The following BLTP1 variants were observed in gnomAD, a reference collection of about 807,000 sequenced individuals.
BLTP1 encodes the protein fragile site-associated protein.
At chr4:122,266,894 T>C in the BLTP1 span, 4 of 1,612,630 alleles carry the variant, frequency 2.5e-6, no homozygotes, top group Non-Finnish European at 3.4e-6. Flanking sequence ...GACTTTGGAC[T>C]GCCTCAGAGC....
the BLTP1 span, chr4:122,196,577 A>T: frequency 2.2e-6 from 3 of 1,381,090 alleles, no homozygotes; most frequent in South Asian, 1.3e-5. Context: ...ATGTTCCTTT[A>T]TCAGAAGTAA....
the BLTP1 span, chr4:122,288,983 T>C: frequency 6.5e-6 from 8 of 1,225,436 alleles, no homozygotes; most frequent in African/African-American, 1.1e-4. Flanking sequence ...TCAAATCATA[T>C]AGAGATAATT....
the BLTP1 span, among the ~76,000 whole-genome samples, chr4:122,322,689 G>C: frequency 6.6e-6 from 1 of 152,176 alleles, no homozygotes; most frequent in African/African-American, 2.4e-5. Flanking sequence ...GTCTTTTAAT[G>C]AGCCTATGCC....
chr4:122,212,648 C>A, the BLTP1 span, among the ~76,000 whole-genome samples: 1 of 151,714 alleles, frequency 6.6e-6, no homozygotes, highest in Non-Finnish European at 1.5e-5. Flanking sequence ...TACATATTCA[C>A]CAAAAATAAG....
chr4:122,271,285 A>G, the BLTP1 span: 1 of 1,614,060 alleles, frequency 6.2e-7, no homozygotes, highest in Non-Finnish European at 8.5e-7. Flanking sequence ...ACATCAAAGC[A>G]ACTCAGACTG....
At chr4:122,325,358 A>C in the BLTP1 span, 9 of 1,558,530 alleles carry the variant, frequency 5.8e-6, no homozygotes, top group Admixed American at 1.4e-4. Context: ...ATACATTGCT[A>C]AGTAGTTTTT....
the BLTP1 span, chr4:122,199,505 A>G: frequency 4.9e-6 from 7 of 1,425,656 alleles, no homozygotes; most frequent in Non-Finnish European, 6.8e-6. Flanking sequence ...AATTGATTTT[A>G]ATTTTCTTAT....
At chr4:122,292,587 T>C in the BLTP1 span, 2 of 924,700 alleles carry the variant, frequency 2.2e-6, no homozygotes, top group South Asian at 5.0e-5. Context: ...TTAGGTAATA[T>C]AACATGAAGA....
chr4:122,204,346 T>C, the BLTP1 span: 15 of 962,018 alleles, frequency 1.6e-5, no homozygotes, highest in East Asian at 7.1e-4. Flanking sequence ...ATGAATTCAG[T>C]AGTTTTAACT....
chr4:122,347,746 A>T, the BLTP1 span: 4 of 1,613,778 alleles, frequency 2.5e-6, no homozygotes, highest in Non-Finnish European at 3.4e-6. Flanking sequence ...CATAAGATCA[A>T]GGAGTGTATC....
chr4:122,181,180 C>T, the BLTP1 span: 1 of 471,700 alleles, frequency 2.1e-6, no homozygotes, highest in African/African-American at 2.1e-5. Flanking sequence ...AAGCAGATCA[C>T]TAATTTTATA....
the BLTP1 span, among the ~76,000 whole-genome samples, chr4:122,275,059 AG>A: frequency 6.6e-6 from 1 of 152,040 alleles, no homozygotes; most frequent in Admixed American, 6.6e-5. Context: ...GTAGAACTAA[AG>A]ACTGTATATT....
the BLTP1 span, chr4:122,344,707 C>A: frequency 4.9e-6 from 6 of 1,230,616 alleles, no homozygotes; most frequent in Middle Eastern, 2.8e-4. Context: ...GCCCAGCCTA[C>A]GGTACTGTGT....
chr4:122,182,805 A>G, the BLTP1 span: 1 of 985,028 alleles, frequency 1.0e-6, no homozygotes, highest in African/African-American at 1.7e-5. Flanking sequence ...AATCGATTCA[A>G]GTAGCACTCA....
chr4:122,152,611 G>A, the BLTP1 span: 6 of 985,498 alleles, frequency 6.1e-6, no homozygotes, highest in East Asian at 5.7e-4. Context: ...GGCCAGACGG[G>A]GTTGAGGTCG....
chr4:122,263,023 C>CG, the BLTP1 span: 1 of 1,586,694 alleles, frequency 6.3e-7, no homozygotes, highest in East Asian at 2.2e-5. Context: ...TTTATATTTA[C>CG]GGGGGAATTG....
chr4:122,240,320 G>A, the BLTP1 span: 17 of 1,613,990 alleles, frequency 1.1e-5, no homozygotes, highest in East Asian at 4.5e-5. Flanking sequence ...AAAGTTCATC[G>A]TCATTTGAAC....
chr4:122,336,321 T>A, the BLTP1 span: 1 of 1,611,376 alleles, frequency 6.2e-7, no homozygotes, highest in Non-Finnish European at 8.5e-7. Flanking sequence ...CTGGAAACTA[T>A]CCCAATTACA....
the BLTP1 span, chr4:122,176,030 G>A: frequency 1.8e-5 from 11 of 595,374 alleles, no homozygotes; most frequent in Non-Finnish European, 3.0e-5. Flanking sequence ...GGCCAGTCAC[G>A]GTGGCTTATG....
Sources: gnomAD v4.1 joint callset for allele counts (sites outside exome capture counted in the v4.1 genomes callset) on GRCh38, gnomAD v4.1.1 for gene constraint, MANE v1.5 for transcripts, NCBI Gene and HGNC (gene_info 2026-07-23, HGNC 2026-07-21) for gene names.